The following RAB11FIP4 variants were observed in gnomAD, a reference collection of about 807,000 sequenced individuals.
RAB11FIP4 encodes rab11 family-interacting protein 4.
In RAB11FIP4, 23 loss-of-function variants were observed where a neutral mutation model predicts 74.3. That is an observed-to-expected ratio of 0.31 (90% CI 0.22 to 0.44). The LOEUF (loss-of-function observed/expected upper bound fraction) is 0.44, where lower values mean the gene tolerates loss of function less well. RAB11FIP4 is among the 20% of genes least tolerant of loss of function. RAB11FIP4 has a pLI of 1.00. For synonymous variants in RAB11FIP4, 360 were observed against 359.9 expected, an observed-to-expected ratio of 1.00 and a Z score of 0.00; for missense variants, 630 against 863.9, an observed-to-expected ratio of 0.73 and a Z score of 3.39.
chr17:31,523,376 C>T, intron 7 of RAB11FIP4, 136 bp from the exon 8 acceptor site: 1 of 726,412 alleles, frequency 1.4e-6, no homozygotes, highest in South Asian at 1.5e-5. Context: ...CATTCTTCCT[C>T]TCAGGCTGAG....
At chr17:31,498,246 C>T (rs558168519) in intron 3 of RAB11FIP4, among the ~76,000 whole-genome samples, 240 of 152,272 alleles carry the variant, frequency 1.6e-3, no homozygotes, top group Non-Finnish European at 2.1e-3. Context: ...CTGCCCTGGC[C>T]GGAGGCCCTA....
chr17:31,391,999 C>A lies in RAB11FIP4; in HGVS notation c.147C>A (p.Gly49=). ...ERVAALGLRF[G]QGEEVEKLVK... ...TCGCGGCGCTCGGACTGCGCTTCGGCCAGGGCGAGGAGGTAAGCTGGCCCG... is the reference window on the plus strand; with the variant it reads ...TCGCGGCGCTCGGACTGCGCTTCGGACAGGGCGAGGAGGTAAGCTGGCCCG... Residue 49 remains glycine (G), a synonymous_variant, in exon 1 of 15, where the codon GGC becomes GGA. Coordinates refer to ENST00000621161, the MANE Select transcript of RAB11FIP4 (RefSeq NM_032932.6). 7.5e-7 allele frequency: 1 copy of A among 1,334,780 alleles called. No homozygotes were observed. The highest frequency in any genetic ancestry group is 3.4e-5 in the Admixed American group (1 of 29,652). 82.7% of individuals were successfully genotyped at this position (1,334,780 alleles called of 1,614,324 possible).
At chr17:31,438,325 G>A (rs978320727) in intron 3 of RAB11FIP4, among the ~76,000 whole-genome samples, 1 of 152,080 alleles carries the variant, frequency 6.6e-6, no homozygotes, top group Non-Finnish European at 1.5e-5. Context: ...TACAAGTGCT[G>A]TAAGGCCCTG....
At chr17:31,482,518 G>A (rs977489266) in intron 3 of RAB11FIP4, among the ~76,000 whole-genome samples, 1 of 151,820 alleles carries the variant, frequency 6.6e-6, no homozygotes, top group Non-Finnish European at 1.5e-5. Context: ...CTGAACCCAG[G>A]AGACAGAGGT....
At chr17:31,442,991 A>G (rs1165504363) in intron 3 of RAB11FIP4, among the ~76,000 whole-genome samples, 1 of 151,912 alleles carries the variant, frequency 6.6e-6, no homozygotes, top group Admixed American at 6.6e-5. Flanking sequence ...GATGCAAAAT[A>G]TTAAAACTGC....
chr17:31,392,036 G>A, intron 1 of RAB11FIP4, 25 bp downstream of exon 1: 6 of 1,256,542 alleles, frequency 4.8e-6, no homozygotes, highest in South Asian at 2.7e-5. Flanking sequence ...CCCCAGTCCC[G>A]GCCCGGGGAC....
intron 3 of RAB11FIP4, among the ~76,000 whole-genome samples, chr17:31,503,983 T>C (rs1407752631): frequency 6.7e-6 from 1 of 149,554 alleles, no homozygotes; most frequent in Admixed American, 6.6e-5. Flanking sequence ...ATCAGAGAAA[T>C]GCAAATGAAA....
chr17:31,524,956 AG>A, intron 9 of RAB11FIP4, 133 bp from the exon 10 acceptor site: 1 of 1,024,478 alleles, frequency 9.8e-7, no homozygotes, highest in Non-Finnish European at 1.5e-6. Flanking sequence ...TCTCTCTGAA[AG>A]CTACTGGCCC....
At chr17:31,477,093 G>T (rs1209466470) in intron 3 of RAB11FIP4, among the ~76,000 whole-genome samples, 1 of 152,210 alleles carries the variant, frequency 6.6e-6, no homozygotes, top group Non-Finnish European at 1.5e-5. Context: ...TGCGTGTTGT[G>T]GTTTGGGATA....
chr17:31,510,057 G>C (rs370457605), intron 3 of RAB11FIP4, among the ~76,000 whole-genome samples: 10 of 152,188 alleles, frequency 6.6e-5, no homozygotes, highest in Non-Finnish European at 1.0e-4. Flanking sequence ...CCAAGATTGC[G>C]TACCAGTCTC....
chr17:31,492,199 C>A (rs1181541953), intron 3 of RAB11FIP4, among the ~76,000 whole-genome samples: 1 of 152,186 alleles, frequency 6.6e-6, no homozygotes, highest in African/African-American at 2.4e-5. Context: ...CCCTGGCCTC[C>A]CTCTTCACTC....
chr17:31,521,018 G>T, intron 4 of RAB11FIP4, 148 bp from the exon 5 acceptor site: 1 of 560,994 alleles, frequency 1.8e-6, no homozygotes. Context: ...CCTTTAGATA[G>T]GGTCCCTGAA....
At chr17:31,395,850 G>A (rs2070924114) in intron 1 of RAB11FIP4, among the ~76,000 whole-genome samples, 1 of 152,138 alleles carries the variant, frequency 6.6e-6, no homozygotes, top group South Asian at 2.1e-4. Flanking sequence ...GTCCCTGATA[G>A]TTCCCTACTT....
chr17:31,457,673 A>C (rs960311916), intron 3 of RAB11FIP4, among the ~76,000 whole-genome samples: 1 of 151,948 alleles, frequency 6.6e-6, no homozygotes, highest in Non-Finnish European at 1.5e-5. Flanking sequence ...GGGTGGGAGC[A>C]GGCCTGACCC....
rs1235520699 is a variant in RAB11FIP4 at position 31,505,509 on chromosome 17, TATA to T, written c.337-12136_337-12134del. The stretch of plus-strand genomic sequence containing the variant: ...TATAATATATAATTATTATATTATA[TATA>T]ATAATTATATATTATATATAATTAT... On this transcript the variant is annotated intron_variant, in intron 3 of 14. Coordinates refer to ENST00000621161, the MANE Select transcript of RAB11FIP4 (RefSeq NM_032932.6). 1.8e-3 allele frequency among the ~76,000 whole-genome samples: 110 copies of T among 60,948 alleles called. 11 individuals carry two copies. Among genetic ancestry groups the T allele is most frequent in the African/African-American group, 6.6e-3 (106 of 15,988 alleles). 40.0% of individuals were successfully genotyped at this position (60,948 alleles called of 152,430 possible). A position where few individuals can be genotyped will look rare whatever the true frequency, so the allele number is the denominator to read the frequency against.
intron 1 of RAB11FIP4, among the ~76,000 whole-genome samples, chr17:31,423,819 T>A (rs1008234621): frequency 6.6e-6 from 1 of 152,160 alleles, no homozygotes; most frequent in African/African-American, 2.4e-5. Flanking sequence ...AGCTCCCTTC[T>A]TTCTGTGATG....
chr17:31,424,557 G>A (rs976466662), intron 1 of RAB11FIP4, among the ~76,000 whole-genome samples: 13 of 148,326 alleles, frequency 8.8e-5, no homozygotes, highest in African/African-American at 3.0e-4. Flanking sequence ...CTACAGGCGC[G>A]CACCACCACA....
chr17:31,395,294 C>A (rs2070918386), intron 1 of RAB11FIP4, among the ~76,000 whole-genome samples: 1 of 152,038 alleles, frequency 6.6e-6, no homozygotes, highest in Non-Finnish European at 1.5e-5. Flanking sequence ...ATCTGAATAA[C>A]GTATGTTGAT....
At chr17:31,468,327 C>G (rs769468368) in intron 3 of RAB11FIP4, among the ~76,000 whole-genome samples, 1 of 152,150 alleles carries the variant, frequency 6.6e-6, no homozygotes, top group African/African-American at 2.4e-5. Flanking sequence ...GTTCTGGGCT[C>G]CTTTCCTTAG....
Sources: allele counts gnomAD v4.1 joint callset (sites outside exome capture counted in the v4.1 genomes callset), GRCh38; gene constraint gnomAD v4.1.1; transcripts MANE v1.5; gene names NCBI Gene and HGNC (gene_info 2026-07-23, HGNC 2026-07-21).